The following COG3 variants were observed in gnomAD, a reference collection of about 807,000 sequenced individuals.
COG3 encodes conserved oligomeric Golgi complex subunit 3.
COG3 carries 32 observed loss-of-function variants against 114.1 expected under a neutral mutation model. The ratio of observed to expected loss-of-function variants is 0.28; its 90% CI spans 0.21 to 0.38. The LOEUF (loss-of-function observed/expected upper bound fraction) is 0.38, where lower values mean the gene tolerates loss of function less well. Ranked by LOEUF, COG3 falls within the 10% of genes least tolerant of loss-of-function variation. The pLI, the probability that COG3 is intolerant of heterozygous loss-of-function variation, is 1.00. For missense variants in COG3, 813 were observed against 973.2 expected, an observed-to-expected ratio of 0.84 and a Z score of 2.19; for synonymous variants, 352 against 365.7, an observed-to-expected ratio of 0.96 and a Z score of 0.43.
intron 13 of COG3, among the ~76,000 whole-genome samples, chr13:45,500,094 G>GTGTGTGTGTGTATATATA (rs1321310200): frequency 8.7e-6 from 1 of 114,890 alleles, no homozygotes; most frequent in African/African-American, 3.5e-5. Context: ...GTGTGTGTGT[G>GTGTGTGTGTGTATATATA]TATATATATA....
intron 1 of COG3, 135 bp downstream of exon 1, chr13:45,465,345 G>A (rs1885069139): frequency 8.8e-6 from 12 of 1,364,482 alleles, no homozygotes; most frequent in Non-Finnish European, 1.1e-5. Context: ...GGCGGATCCG[G>A]TGGGAGGGGC....
chr13:45,478,520 T>A (rs1259256286), intron 2 of COG3, among the ~76,000 whole-genome samples: 3 of 150,272 alleles, frequency 2.0e-5, no homozygotes, highest in Admixed American at 1.3e-4. Flanking sequence ...TTGCCCAGGC[T>A]GGAGTGCAAT....
intron 3 of COG3, 118 bp from the exon 4 acceptor site, chr13:45,480,007 T>C (rs1886148901): frequency 1.4e-6 from 1 of 737,188 alleles, no homozygotes; most frequent in Non-Finnish European, 2.2e-6. Flanking sequence ...CTTATGTGCA[T>C]AGGCAGTTTT....
At chr13:45,488,923 C>T (rs910638255) in intron 8 of COG3, among the ~76,000 whole-genome samples, 11 of 152,072 alleles carry the variant, frequency 7.2e-5, no homozygotes, top group African/African-American at 1.9e-4. Flanking sequence ...TGCAGTGGCT[C>T]ACACCTGCAA....
chr13:45,525,928 C>T (rs1454861844), intron 20 of COG3, among the ~76,000 whole-genome samples: 2 of 151,560 alleles, frequency 1.3e-5, no homozygotes, highest in Non-Finnish European at 2.9e-5. Flanking sequence ...GGCTTTGCAT[C>T]CATGAAAAAT....
At chr13:45,507,530 C>T (rs993764364) in intron 14 of COG3, among the ~76,000 whole-genome samples, 7 of 151,404 alleles carry the variant, frequency 4.6e-5, no homozygotes, top group Admixed American at 3.3e-4. Flanking sequence ...TTTGGGAGGC[C>T]GAGGTGGGCA....
intron 1 of COG3, among the ~76,000 whole-genome samples, chr13:45,467,394 C>G (rs1043608096): frequency 6.6e-6 from 1 of 152,174 alleles, no homozygotes; most frequent in Non-Finnish European, 1.5e-5. Flanking sequence ...GAGTTCAAGA[C>G]CAGCCTGGCC....
At chr13:45,477,717 C>T (rs933737991) in intron 2 of COG3, among the ~76,000 whole-genome samples, 2 of 151,788 alleles carry the variant, frequency 1.3e-5, no homozygotes, top group African/African-American at 4.9e-5. Context: ...AGCTCCACCT[C>T]CTGGGTTCAC....
At chr13:45,476,659 A>G (rs1475338672) in intron 2 of COG3, among the ~76,000 whole-genome samples, 1 of 152,080 alleles carries the variant, frequency 6.6e-6, no homozygotes, top group Non-Finnish European at 1.5e-5. Context: ...CTGTTCCCTC[A>G]GTGTGTGCAT....
chr13:45,508,068 T>TAAAAAAAAAAAAAAA (rs10571583), intron 14 of COG3, among the ~76,000 whole-genome samples: 3 of 32,270 alleles, frequency 9.3e-5, no homozygotes, highest in African/African-American at 2.5e-4. Flanking sequence ...AGGTCCAACC[T>TAAAAAAAAAAAAAAA]AAAAAAAAAA....
At chr13:45,519,220 T>A in intron 19 of COG3, 126 bp downstream of exon 19, 1 of 1,035,530 alleles carries the variant, frequency 9.7e-7, no homozygotes, top group Non-Finnish European at 1.4e-6. Context: ...TGATTCTGTC[T>A]AGGAAATCAC....
intron 13 of COG3, among the ~76,000 whole-genome samples, chr13:45,501,843 G>A (rs1869572516): frequency 6.6e-6 from 1 of 152,196 alleles, no homozygotes; most frequent in African/African-American, 2.4e-5. Context: ...TCGTTTTAAA[G>A]TTAACAGGCT....
At chr13:45,489,151 C>T (rs1183434340) in intron 8 of COG3, among the ~76,000 whole-genome samples, 1 of 137,532 alleles carries the variant, frequency 7.3e-6, no homozygotes, top group Non-Finnish European at 1.5e-5. Context: ...AGCACCACTG[C>T]ACTCCAGCCT....
At position 45,515,117 on chromosome 13, in the gene COG3, A is replaced by G. The variant is rs550080481; in HGVS notation, c.1810-1026A>G. ...TAGCTTTAGTGAAGTAATAAAATCT[A>G]TATGATACAATTTTTGGCATCAGAG... On this transcript the variant is annotated intron_variant, in intron 16 of 22. Transcript: ENST00000349995. Among the ~76,000 whole-genome samples the G allele has an allele frequency of 2.1e-3, 316 of 152,328 alleles. 1 individual carries two copies. The highest frequency in any genetic ancestry group is 3.1e-3 in the Admixed American group (47 of 15,300).
At chr13:45,477,150 T>C (rs1885918245) in intron 2 of COG3, among the ~76,000 whole-genome samples, 1 of 152,216 alleles carries the variant, frequency 6.6e-6, no homozygotes, top group Admixed American at 6.5e-5. Flanking sequence ...AATACGATAA[T>C]GCATGTAAAT....
intron 1 of COG3, among the ~76,000 whole-genome samples, chr13:45,469,023 G>A (rs1314212600): frequency 1.3e-5 from 2 of 152,144 alleles, no homozygotes; most frequent in Non-Finnish European, 2.9e-5. Flanking sequence ...AACTTGTTTT[G>A]CTACTTTAAA....
intron 7 of COG3, among the ~76,000 whole-genome samples, chr13:45,484,231 TA>T (rs1312380025): frequency 3.9e-5 from 6 of 152,186 alleles, no homozygotes; most frequent in South Asian, 2.1e-4. Context: ...AACTAACCTA[TA>T]TTTTTTTTTA....
In COG3 at chr13:45,533,285, C is replaced by G. The variant is rs542076386; in HGVS notation, c.2458-1417C>G. Among the ~76,000 whole-genome samples the G allele has an allele frequency of 1.4e-4, 22 of 152,036 alleles. No homozygotes were observed. In the East Asian group the frequency reaches 4.0e-3, roughly 28 times the overall value. The stretch of plus-strand genomic sequence containing the variant: ...GATGTGGAGTACTTGATCATAAGAT[C>G]CATTTTATGGCAGAAGACATTATTT... On this transcript the variant is annotated intron_variant, in intron 22 of 22. Transcript: ENST00000349995.
intron 7 of COG3, among the ~76,000 whole-genome samples, chr13:45,483,795 C>CT (rs1886402182): frequency 1.3e-5 from 2 of 151,978 alleles, no homozygotes; most frequent in Admixed American, 1.3e-4. Flanking sequence ...CTTCTTTACC[C>CT]TTTTTTTGTA....
Sources: gnomAD v4.1 joint callset for allele counts (sites outside exome capture counted in the v4.1 genomes callset) on GRCh38, gnomAD v4.1.1 for gene constraint, MANE v1.5 for transcripts, NCBI Gene and HGNC (gene_info 2026-07-23, HGNC 2026-07-21) for gene names.